BRD10: variants seen among roughly 807,000 people sequenced by gnomAD.
The protein encoded by BRD10 is uncharacterized bromodomain-containing protein 10.
chr9:5,923,346 A>G, the BRD10 span: 1 of 1,445,408 alleles, frequency 6.9e-7, no homozygotes, highest in South Asian at 1.3e-5. Context: ...GTTTATATAA[A>G]ACAGCAACTA....
chr9:5,903,739 T>C, the BRD10 span, among the ~76,000 whole-genome samples: 1 of 152,242 alleles, frequency 6.6e-6, no homozygotes, highest in East Asian at 1.9e-4. Context: ...AACACCTTTA[T>C]CGTTATGTAA....
At chr9:5,956,325 G>C in the BRD10 span, among the ~76,000 whole-genome samples, 1 of 152,166 alleles carries the variant, frequency 6.6e-6, no homozygotes, top group African/African-American at 2.4e-5. Context: ...CACGTCATTA[G>C]GATGCTTAAA....
the BRD10 span, among the ~76,000 whole-genome samples, chr9:5,904,645 G>T: frequency 6.6e-6 from 1 of 152,004 alleles, no homozygotes; most frequent in Non-Finnish European, 1.5e-5. Flanking sequence ...TCTAATTTTT[G>T]TATTTTTAGT....
chr9:5,997,533 T>A, the BRD10 span, among the ~76,000 whole-genome samples: 1 of 152,074 alleles, frequency 6.6e-6, no homozygotes, highest in Non-Finnish European at 1.5e-5. Flanking sequence ...AGATGAATAG[T>A]TAGATCAACA....
the BRD10 span, among the ~76,000 whole-genome samples, chr9:5,943,637 A>G: frequency 1.3e-5 from 2 of 152,162 alleles, no homozygotes; most frequent in Middle Eastern, 3.2e-3. Context: ...AATTTTAATG[A>G]AACAGATGGT....
At chr9:5,904,980 A>T in the BRD10 span, among the ~76,000 whole-genome samples, 2 of 151,782 alleles carry the variant, frequency 1.3e-5, no homozygotes, top group African/African-American at 4.8e-5. Flanking sequence ...TCACTGTGTT[A>T]GCCAGGATGG....
At chr9:5,995,196 G>A in the BRD10 span, among the ~76,000 whole-genome samples, 3 of 152,046 alleles carry the variant, frequency 2.0e-5, no homozygotes, top group Non-Finnish European at 4.4e-5. Context: ...CCACCATGCC[G>A]GCCCAAATGC....
the BRD10 span, chr9:5,988,242 G>A: frequency 9.3e-6 from 7 of 754,516 alleles, no homozygotes; most frequent in Non-Finnish European, 8.8e-6. Flanking sequence ...TCATACTTTT[G>A]TAACAATGCA....
the BRD10 span, among the ~76,000 whole-genome samples, chr9:5,938,171 T>C: frequency 1.3e-5 from 2 of 152,154 alleles, no homozygotes; most frequent in African/African-American, 2.4e-5. Flanking sequence ...CAACCAACCC[T>C]AATTAAAAAT....
chr9:5,910,458 C>G, the BRD10 span: 1 of 152,230 alleles, frequency 6.6e-6, no homozygotes, highest in African/African-American at 2.4e-5. Context: ...TCTCCCACTT[C>G]AAACAAATAA....
At chr9:5,944,982 C>A in the BRD10 span, 1 of 1,298,748 alleles carries the variant, frequency 7.7e-7, no homozygotes, top group Non-Finnish European at 1.1e-6. Context: ...CACAAAAACA[C>A]AGCTTGATAA....
At chr9:5,988,641 A>G in the BRD10 span, 7 of 847,306 alleles carry the variant, frequency 8.3e-6, no homozygotes, top group African/African-American at 6.8e-5. Context: ...TGCTAAATAC[A>G]TAAAAGTATT....
chr9:5,888,740 G>T, the BRD10 span, among the ~76,000 whole-genome samples: 4 of 152,200 alleles, frequency 2.6e-5, no homozygotes, highest in Non-Finnish European at 4.4e-5. Context: ...AATTGCCGAA[G>T]AACTCAACGT....
the BRD10 span, among the ~76,000 whole-genome samples, chr9:5,936,741 A>C: frequency 6.6e-6 from 1 of 152,226 alleles, no homozygotes; most frequent in Non-Finnish European, 1.5e-5. Context: ...TATATCTTCT[A>C]TAATACAAAA....
At chr9:5,974,510 G>C in the BRD10 span, among the ~76,000 whole-genome samples, 1 of 152,194 alleles carries the variant, frequency 6.6e-6, no homozygotes, top group Admixed American at 6.5e-5. Context: ...CCCAAACATT[G>C]TTTCAGTTTA....
the BRD10 span, chr9:5,898,211 TAAAA>T: frequency 6.6e-6 from 1 of 151,716 alleles, no homozygotes; most frequent in Non-Finnish European, 1.5e-5. Context: ...ACCGGCTAAT[TAAAA>T]AAAAACTTTT....
chr9:5,942,256 G>A, the BRD10 span, among the ~76,000 whole-genome samples: 1 of 152,060 alleles, frequency 6.6e-6, no homozygotes, highest in Non-Finnish European at 1.5e-5. Context: ...AAGTCATAAA[G>A]AAAAGGTTAA....
chr9:5,994,755 A>G, the BRD10 span, among the ~76,000 whole-genome samples: 1 of 152,134 alleles, frequency 6.6e-6, no homozygotes, highest in Non-Finnish European at 1.5e-5. Flanking sequence ...TCTCCTACTG[A>G]GCAGGGTAGA....
the BRD10 span, among the ~76,000 whole-genome samples, chr9:5,933,455 TC>T: frequency 1.3e-5 from 2 of 152,244 alleles, no homozygotes; most frequent in Non-Finnish European, 2.9e-5. Flanking sequence ...TCATGCTTTC[TC>T]ATCCAATGTC....
Sources: allele counts gnomAD v4.1 joint callset (sites outside exome capture counted in the v4.1 genomes callset), GRCh38; gene constraint gnomAD v4.1.1; transcripts MANE v1.5; gene names NCBI Gene and HGNC (gene_info 2026-07-23, HGNC 2026-07-21).